Variants in CHM observed in about 807,000 individuals in gnomAD.
CHM encodes CHM Rab escort protein.
In CHM, 10 loss-of-function variants were observed where a neutral mutation model predicts 49.0. The ratio of observed to expected loss-of-function variants is 0.20; its 90% CI spans 0.13 to 0.35. The LOEUF (loss-of-function observed/expected upper bound fraction) is 0.35, where lower values mean the gene tolerates loss of function less well. CHM is among the 10% of genes least tolerant of loss of function. The pLI is 1.00. For missense variants in CHM, 455 were observed against 478.4 expected (o/e 0.95, Z 0.46); for synonymous variants, 184 against 167.5 (o/e 1.10, Z -0.76).
intron 14 of CHM, among the ~76,000 whole-genome samples, chrX:85,868,016 CCA>C (rs1209203989): frequency 9.9e-5 from 9 of 90,497 alleles, no homozygotes; most frequent in African/African-American, 3.7e-4. Context: ...CTAATAGTTA[CCA>C]CTGTGTGTGT....
intron 8 of CHM, among the ~76,000 whole-genome samples, chrX:85,933,429 T>C (rs1319239870): frequency 9.0e-6 from 1 of 111,387 alleles, no homozygotes; most frequent in Non-Finnish European, 1.9e-5. Flanking sequence ...AAGGAAGAAA[T>C]TGTAAAACAG....
chrX:85,896,836 A>G (rs1395200125), intron 11 of CHM, among the ~76,000 whole-genome samples: 2 of 100,923 alleles, frequency 2.0e-5, no homozygotes, highest in Non-Finnish European at 3.9e-5. Context: ...ATTATATAAT[A>G]TATTATATAA....
chrX:85,952,062 C>T (rs755923626), intron 8 of CHM, among the ~76,000 whole-genome samples: 14 of 112,126 alleles, frequency 1.2e-4, no homozygotes, highest in African/African-American at 3.9e-4. Flanking sequence ...AGCTGGAACT[C>T]GAGTGTCTCA....
chrX:85,913,851 C>A (rs898821516), intron 8 of CHM, among the ~76,000 whole-genome samples: 2 of 110,067 alleles, frequency 1.8e-5, no homozygotes, highest in African/African-American at 3.3e-5. Flanking sequence ...TCCCACCAAG[C>A]GAGACCAGAC....
intron 1 of CHM, among the ~76,000 whole-genome samples, chrX:86,036,577 A>AG (rs1471338378): frequency 1.8e-5 from 2 of 111,571 alleles, no homozygotes; most frequent in African/African-American, 3.3e-5. Flanking sequence ...AGCAAAATAA[A>AG]GGGGGGAGGG....
chrX:86,017,345 G>A (rs1569252962), intron 2 of CHM, among the ~76,000 whole-genome samples: 4 of 111,518 alleles, frequency 3.6e-5, no homozygotes, highest in African/African-American at 1.3e-4. Flanking sequence ...ATATGGTTTG[G>A]CTCTGTGTCC....
intron 12 of CHM, among the ~76,000 whole-genome samples, chrX:85,892,858 T>C (rs771154059): frequency 2.9e-4 from 32 of 111,838 alleles, no homozygotes; most frequent in African/African-American, 6.8e-4. Flanking sequence ...ATTAGTTTTT[T>C]TGCTTCTCAG....
intron 9 of CHM, among the ~76,000 whole-genome samples, chrX:85,907,246 C>G (rs973961604): frequency 8.9e-6 from 1 of 112,250 alleles, no homozygotes; most frequent in Non-Finnish European, 1.9e-5. Context: ...AGTAGGAAAG[C>G]TGGTAAGTGA....
intron 2 of CHM, among the ~76,000 whole-genome samples, chrX:86,002,062 A>T (rs1304216996): frequency 9.0e-6 from 1 of 111,130 alleles, no homozygotes; most frequent in Non-Finnish European, 1.9e-5. Context: ...GAGTTTTATA[A>T]CTCCATAAAA....
At chrX:85,966,875 T>C (rs1168838234) in intron 4 of CHM, among the ~76,000 whole-genome samples, 1 of 111,961 alleles carries the variant, frequency 8.9e-6, no homozygotes, top group Non-Finnish European at 1.9e-5. Context: ...GGGGGCCCTA[T>C]AGAGTGAATG....
At chrX:85,989,714 A>G (rs745442126) in intron 2 of CHM, among the ~76,000 whole-genome samples, 9 of 105,210 alleles carry the variant, frequency 8.6e-5, no homozygotes, top group African/African-American at 3.0e-4. Context: ...AAGAAAACAT[A>G]CATGTAGTCA....
chrX:85,913,243 A>T (rs1321238077), intron 8 of CHM, among the ~76,000 whole-genome samples: 1 of 94,420 alleles, frequency 1.1e-5, no homozygotes, highest in African/African-American at 3.9e-5. Context: ...TTGAACCTGG[A>T]AGGCGGAGGT....
intron 9 of CHM, among the ~76,000 whole-genome samples, chrX:85,910,196 T>C (rs1315958217): frequency 1.8e-5 from 2 of 111,676 alleles, no homozygotes; most frequent in African/African-American, 6.5e-5. Context: ...AAAATACTAG[T>C]TTTTTCACTA....
chrX:86,040,105 C>A (rs1314179868), intron 1 of CHM, among the ~76,000 whole-genome samples: 1 of 112,238 alleles, frequency 8.9e-6, no homozygotes, highest in Admixed American at 9.4e-5. Flanking sequence ...TAGAAGGCAG[C>A]CGATTAACAC....
chrX:86,008,351 AC>A (rs1932917666), intron 2 of CHM, among the ~76,000 whole-genome samples: 1 of 110,720 alleles, frequency 9.0e-6, no homozygotes, highest in Admixed American at 9.6e-5. Context: ...GCACATGTAT[AC>A]CCTATGTATC....
In CHM at chrX:85,945,543, C is replaced by T. The variant is rs757606551; in HGVS notation, c.1166+10610G>A. ...GCCTCCCCAGAAGCCAAGCAGATGA[C>T]GGCACCATGCTTCCTATGGTGCTGC... On this transcript the variant is annotated intron_variant, in intron 8 of 14. Transcript: ENST00000357749. Among the ~76,000 whole-genome samples, 15 of 102,771 alleles carry T rather than the reference C, an allele frequency of 1.5e-4. No individual in the cohort carries two copies. In the East Asian group the frequency reaches 1.5e-3, roughly 11 times the overall value. The allele number at this position is 102,771 out of a possible 115,157, so 89.2% of individuals were successfully genotyped here.
Position 85,911,318 on chromosome X carries a change from C to A in CHM, c.1187G>T (p.Gly396Val). Residue 396 changes from glycine to valine, a missense_variant, in exon 9 of 15, where the codon GGA (glycine) becomes GTA (valine). Physicochemically the swap from Gly to Val is moderately radical, Grantham distance 109. Coordinates refer to ENST00000357749, the MANE Select transcript of CHM (RefSeq NM_000390.4). ...CFCRMCAVFG[G>V]IYCLRHSVQC... is the part of the protein sequence containing the mutation. ...TACTGAATGGCGAAGACAATAAATT[C>A]CACCAAACACAGCACACATCCTAGA... The A allele has an allele frequency of 9.6e-7, 1 of 1,044,519 alleles. No individual in the cohort carries two copies. Among genetic ancestry groups the A allele is most frequent in the South Asian group, 1.9e-5 (1 of 53,798 alleles). 86.1% of individuals were successfully genotyped at this position (1,044,519 alleles called of 1,213,427 possible). A position where few individuals can be genotyped will look rare whatever the true frequency, so the allele number is the denominator to read the frequency against.
chrX:86,015,174 C>T (rs1283022629), intron 2 of CHM, among the ~76,000 whole-genome samples: 1 of 110,842 alleles, frequency 9.0e-6, no homozygotes, highest in African/African-American at 3.3e-5. Flanking sequence ...TGGGAGGGAC[C>T]CGGTGGGAGG....
intron 8 of CHM, among the ~76,000 whole-genome samples, chrX:85,951,892 G>A (rs1017697498): frequency 8.9e-6 from 1 of 112,108 alleles, no homozygotes; most frequent in Non-Finnish European, 1.9e-5. Flanking sequence ...TGTGGAAAGA[G>A]AAATCTATGC....
Sources: gnomAD v4.1 joint callset for allele counts (sites outside exome capture counted in the v4.1 genomes callset) on GRCh38, gnomAD v4.1.1 for gene constraint, MANE v1.5 for transcripts, NCBI Gene and HGNC (gene_info 2026-07-23, HGNC 2026-07-21) for gene names.